CCDC9: variants seen among roughly 807,000 people sequenced by gnomAD.
CCDC9 encodes coiled-coil domain-containing protein 9.
CCDC9 carries 52 observed loss-of-function variants against 65.6 expected under a neutral mutation model. That is an observed-to-expected ratio of 0.79 (90% CI 0.63 to 1.00). The LOEUF is 1.00. CCDC9 is among the 50% of genes least tolerant of loss of function. The probability of loss-of-function intolerance (pLI) is 0.00; values close to 1 mark genes in which losing one functional copy is unlikely to be tolerated. For synonymous variants in CCDC9, 332 were observed against 280.3 expected (o/e 1.18, Z -1.84); for missense variants, 834 against 757.2 (o/e 1.10, Z -1.19).
chr19:47,257,315 A>G (rs1467782812), intron 1 of CCDC9, among the ~76,000 whole-genome samples: 1 of 149,952 alleles, frequency 6.7e-6, no homozygotes, highest in Non-Finnish European at 1.5e-5. Context: ...TGGAATAATA[A>G]TAAGAGATGG....
rs1283519993 is a variant in CCDC9, at chr19:47,258,621, G to T, written c.66G>T (p.Glu22Asp). Reference protein sequence around the residue: ...EKDAELDKRIEALRRKNEALI... With the variant: ...EKDAELDKRIDALRRKNEALI... ...ATGCTGAGTTGGACAAGAGGATCGA[G>T]GCTCTTCGGCGGAAGAATGAGGCCC... is the stretch of plus-strand genomic sequence containing the variant. The change falls in exon 3 of 12, where the codon GAG becomes GAT. Residue 22 changes from glutamate to aspartate, a missense_variant. By Grantham distance (45) the Glu-to-Asp change is conservative. Transcript: ENST00000221922. 6.2e-7 allele frequency: 1 copy of T among 1,614,048 alleles called. No individual in the cohort carries two copies. Among genetic ancestry groups the T allele is most frequent in the East Asian group, 2.2e-5 (1 of 44,904 alleles).
chr19:47,263,154 C>A (rs376274403), intron 5 of CCDC9, among the ~76,000 whole-genome samples: 5 of 151,602 alleles, frequency 3.3e-5, no homozygotes, highest in African/African-American at 4.8e-5. Context: ...AAGGGGAGAA[C>A]GGATTGTGGT....
At chr19:47,273,301 G>GC, downstream of CCDC9, 1 of 1,015,856 alleles carries the variant, frequency 9.8e-7, no homozygotes, top group Non-Finnish European at 1.3e-6. Flanking sequence ...GTGCTGGGCC[G>GC]GGGGGGAGGT....
At chr19:47,275,299 A>G (rs999872895), downstream of CCDC9, 13 of 1,545,896 alleles carry the variant, frequency 8.4e-6, no homozygotes, top group African/African-American at 1.5e-4. Flanking sequence ...CCGAGCCGCC[A>G]GACACCCAGA....
intron 5 of CCDC9, among the ~76,000 whole-genome samples, chr19:47,262,975 A>G (rs2059055567): frequency 6.6e-6 from 1 of 151,940 alleles, no homozygotes; most frequent in Non-Finnish European, 1.5e-5. Flanking sequence ...GGTCCCAGCT[A>G]CTTACTTGGG....
intron 3 of CCDC9, among the ~76,000 whole-genome samples, chr19:47,259,038 C>T (rs1052735114): frequency 2.5e-4 from 38 of 152,316 alleles, no homozygotes; most frequent in African/African-American, 9.1e-4. Flanking sequence ...CCAGAGGAGG[C>T]TCTTGACCCA....
Position 47,260,635 on chromosome 19 carries a change from C to T in CCDC9, c.258C>T (p.Pro86=), listed in dbSNP as rs772108651. 1.8e-5 allele frequency: 28 copies of T among 1,523,612 alleles called. No homozygotes were observed. The South Asian group carries it at 3.3e-4, about 18-fold the overall frequency. 94.4% of individuals were successfully genotyped at this position (1,523,612 alleles called of 1,614,324 possible). ...GGAGGTCTCCTGGGACCCCTCGGCC[C>T]CCAGGGGCCAGCAAGGGGGGCCGGA... ...PSRRSPGTPR[P]PGASKGGRTP... Residue 86 remains proline, a synonymous_variant, in exon 5 of 12, where the codon CCC becomes CCT. Coordinates refer to ENST00000221922, the MANE Select transcript of CCDC9 (RefSeq NM_015603.3).
At chr19:47,261,123 C>G (rs1172055630) in intron 5 of CCDC9, among the ~76,000 whole-genome samples, 2 of 151,932 alleles carry the variant, frequency 1.3e-5, no homozygotes, top group Non-Finnish European at 2.9e-5. Context: ...TTCCTCCTCG[C>G]CTTCCTTCCC....
At chr19:47,272,038 AG>A, downstream of CCDC9, 2 of 1,237,648 alleles carry the variant, frequency 1.6e-6, no homozygotes, top group South Asian at 4.0e-5. Context: ...CAGGCGGGAA[AG>A]GGGGCTTGAC....
rs577507771 is a variant in CCDC9 at position 47,267,949 on chromosome 19, G to A, written c.902+1157G>A. Among the ~76,000 whole-genome samples, 21 of 152,140 alleles carry A rather than the reference G, an allele frequency of 1.4e-4. No individual in the cohort carries two copies. The South Asian group carries it at 3.7e-3, about 27-fold the overall frequency. ...TGCAACCTCCGCCTCCTGGGTTCAA[G>A]CGATTTTCCTGCCTCAGCCTCCTGA... On this transcript the variant is annotated intron_variant, in intron 8 of 11. Transcript: ENST00000221922.
downstream of CCDC9, chr19:47,274,323 A>AGC (rs1158638036): frequency 1.1e-5 from 1 of 95,130 alleles, no homozygotes; most frequent in East Asian, 3.1e-4. Context: ...GGGCGGGGTC[A>AGC]GCGCGCGCGG....
At chr19:47,270,824 G>A (rs1226743896) in intron 10 of CCDC9, 136 bp downstream of exon 10, 12 of 1,072,964 alleles carry the variant, frequency 1.1e-5, no homozygotes, top group South Asian at 3.3e-5. Flanking sequence ...TCGCAGGTCC[G>A]TGGTTTGAGG....
chr19:47,275,350 T>A, downstream of CCDC9: 1 of 1,538,014 alleles, frequency 6.5e-7, no homozygotes, highest in Non-Finnish European at 8.8e-7. Flanking sequence ...CCCGGGTAAC[T>A]CTCCCTTCCA....
Position 47,271,167 on chromosome 19 carries a change from C to T in CCDC9, c.1171C>T (p.Pro391Ser), listed in dbSNP as rs1280166324. The T allele has an allele frequency of 1.3e-6, 2 of 1,597,586 alleles. No homozygotes were observed. Among genetic ancestry groups the T allele is most frequent in the Non-Finnish European group, 1.7e-6 (2 of 1,173,674 alleles). Reference sequence around the variant, plus strand: ...ACAGCCTACTTCCCCCGAGACTTCCCCCAAGGAGACACCCATGCAGGTGAG... The same window carrying T: ...ACAGCCTACTTCCCCCGAGACTTCCTCCAAGGAGACACCCATGCAGGTGAG... ...TPQPTSPETS[P>S]KETPMQPPEI... The change falls in exon 11 of 12, where the codon CCC becomes TCC. Residue 391 changes from proline (P) to serine (S), a missense_variant. By Grantham distance (74) the Pro-to-Ser change is moderately conservative. Transcript: ENST00000221922.
downstream of CCDC9, chr19:47,274,634 T>A (rs1455308185): frequency 1.6e-5 from 3 of 182,352 alleles, no homozygotes; most frequent in African/African-American, 9.6e-5. Flanking sequence ...GAGAACCGTG[T>A]TGTGGCGGGA....
Position 47,271,501 on chromosome 19 carries a change from G to A in CCDC9, c.1419G>A (p.Pro473=), listed in dbSNP as rs141914148. Reference sequence around the variant, plus strand: ...AGGCCCACGGAGTCCCCTTCAGTCCGGAGGAGCCCCTGCTGGAGCCCCAGG... The same window carrying A: ...AGGCCCACGGAGTCCCCTTCAGTCCAGAGGAGCCCCTGCTGGAGCCCCAGG... ...SEQAHGVPFS[P]EEPLLEPQAP... Residue 473 remains proline (P), a synonymous_variant, in exon 12 of 12, where the codon CCG becomes CCA. Coordinates refer to ENST00000221922, the MANE Select transcript of CCDC9 (RefSeq NM_015603.3). The A allele has an allele frequency of 9.3e-6, 15 of 1,612,780 alleles. No individual in the cohort carries two copies. The highest frequency in any genetic ancestry group is 3.3e-5 in the South Asian group (3 of 91,040).
At chr19:47,275,526 G>T (rs935703424), downstream of CCDC9, 11 of 844,470 alleles carry the variant, frequency 1.3e-5, no homozygotes, top group Non-Finnish European at 1.9e-5. Context: ...CTTGCCTCTT[G>T]CAGCTACTCT....
At chr19:47,264,484 C>A in intron 5 of CCDC9, 119 bp from the exon 6 acceptor site, 1 of 918,106 alleles carries the variant, frequency 1.1e-6, no homozygotes, top group Non-Finnish European at 1.7e-6. Context: ...AGCAAATGGT[C>A]AGATGCCAGC....
chr19:47,258,300 C>T (rs1222921371), intron 1 of CCDC9, 30 bp from the exon 2 acceptor site: 5 of 1,311,734 alleles, frequency 3.8e-6, no homozygotes, highest in African/African-American at 2.9e-5. Flanking sequence ...GGGCCATTGG[C>T]CTTTGTCCTT....
Sources: gnomAD v4.1 joint callset for allele counts (sites outside exome capture counted in the v4.1 genomes callset) on GRCh38, gnomAD v4.1.1 for gene constraint, MANE v1.5 for transcripts, NCBI Gene and HGNC (gene_info 2026-07-23, HGNC 2026-07-21) for gene names.